PKP3: variants seen among roughly 807,000 people sequenced by gnomAD.
The protein encoded by PKP3 is plakophilin 3.
Under a neutral mutation model 76.5 loss-of-function variants are expected in PKP3, and 66 were observed. The ratio of observed to expected loss-of-function variants is 0.86; its 90% CI spans 0.71 to 1.06. The LOEUF (loss-of-function observed/expected upper bound fraction) is 1.06. Ranked by LOEUF, PKP3 falls within the 50% of genes least tolerant of loss-of-function variation. The probability of loss-of-function intolerance (pLI) is 0.00; values close to 1 mark genes in which losing one functional copy is unlikely to be tolerated. For synonymous variants in PKP3, 638 were observed against 516.5 expected (o/e 1.24, Z -3.19); for missense variants, 1,338 against 1,141.0 (o/e 1.17, Z -2.49).
chr11:404,725 A>C lies in PKP3; in HGVS notation c.*156A>C. 1.5e-6 allele frequency: 1 copy of C among 651,036 alleles called. No homozygotes were observed. Among genetic ancestry groups the C allele is most frequent in the Non-Finnish European group, 2.7e-6 (1 of 371,452 alleles). The allele number at this position is 651,036 out of a possible 1,614,324, so 40.3% of individuals were successfully genotyped here. On this transcript the variant is annotated 3_prime_UTR_variant, in exon 13 of 13. Coordinates refer to ENST00000331563, the MANE Select transcript of PKP3 (RefSeq NM_007183.4). The surrounding 1 kb of genome is among the most constrained non-coding windows in gnomAD (Gnocchi z 4.2). ...GCATCTTTGAGGGTCCTGGGCCACC[A>C]GGAGGGGCAGGGTCTTATAGCTGGG...
Position 396,999 on chromosome 11 carries a change from G to A in PKP3, c.498G>A (p.Glu166=), listed in dbSNP as rs1847056514. 1 of 1,599,724 alleles carries A rather than the reference G, an allele frequency of 6.3e-7. No homozygotes were observed. The highest frequency in any genetic ancestry group is 1.3e-5 in the African/African-American group (1 of 74,906). ...PMPTRPVSFH[E]RGGVGSRADY... ...CCACCAGGCCCGTGTCCTTCCATGA[G>A]CGCGGTGGGGTTGGGAGCCGGGCCG... The change falls in exon 3 of 13, where the codon GAG becomes GAA. Residue 166 remains glutamate (E), a synonymous_variant. Coordinates refer to ENST00000331563, the MANE Select transcript of PKP3 (RefSeq NM_007183.4).
chr11:395,447 T>C (rs1164564570), intron 1 of PKP3, among the ~76,000 whole-genome samples: 2 of 152,196 alleles, frequency 1.3e-5, no homozygotes, highest in Non-Finnish European at 2.9e-5. Context: ...TCCAGGGGCC[T>C]CAGCCTTGCT....
chr11:396,289 T>C (rs551362990), intron 1 of PKP3: 159 of 329,818 alleles, frequency 4.8e-4, no homozygotes, highest in Non-Finnish European at 7.9e-4. Context: ...ATGGCAAGGA[T>C]TGGAGAACTG....
chr11:404,309 C>T lies in PKP3; in HGVS notation c.2344C>T (p.Arg782Cys), dbSNP rs772217347. ...CCTGTGGCAGTACAACAAGCTCCAC[C>T]GTGACTTCCGGGCGGTACGTTTCCC... Reference protein sequence around the residue: ...ANLWQYNKLHRDFRAKGYRKE... With the variant: ...ANLWQYNKLHCDFRAKGYRKE... The change falls in exon 12 of 13, where the codon CGT becomes TGT. Residue 782 changes from arginine to cysteine, a missense_variant. By Grantham distance (180) the Arg-to-Cys change is radical. Transcript: ENST00000331563. This position sits in a 1 kb window ranked among gnomAD's most constrained non-coding sequence, Gnocchi z 4.2. The T allele has an allele frequency of 1.7e-5, 28 of 1,612,272 alleles. No homozygotes were observed. Among genetic ancestry groups the T allele is most frequent in the East Asian group, 2.2e-5 (1 of 44,888 alleles).
chr11:400,541 G>C lies in PKP3; in HGVS notation c.1573G>C (p.Glu525Gln). The change falls in exon 8 of 13, where the codon GAG becomes CAG. Residue 525 changes from glutamate to glutamine, a missense_variant. By Grantham distance (29) the Glu-to-Gln change is conservative (BLOSUM62 2). Coordinates refer to ENST00000331563, the MANE Select transcript of PKP3 (RefSeq NM_007183.4). The part of the protein sequence containing the change: ...DAGKCEDKSV[E>Q]NAVCVLRNLS... ...CCCGCGCCCCCGCCCGCAGAGCGTGGAGAACGCGGTGTGCGTCCTGCGGAA... is the reference window on the plus strand; with the variant it reads ...CCCGCGCCCCCGCCCGCAGAGCGTGCAGAACGCGGTGTGCGTCCTGCGGAA... 2.7e-6 allele frequency: 4 copies of C among 1,493,160 alleles called. No homozygotes were observed. Among genetic ancestry groups the C allele is most frequent in the South Asian group, 2.6e-5 (2 of 78,188 alleles). 92.5% of individuals were successfully genotyped at this position (1,493,160 alleles called of 1,614,324 possible).
At position 400,140 on chromosome 11, in the gene PKP3, AG is replaced by A; in HGVS notation, c.1448+1del. 6.5e-7 allele frequency: 1 copy of A among 1,549,270 alleles called. No homozygotes were observed. The highest frequency in any genetic ancestry group is 8.7e-7 in the Non-Finnish European group (1 of 1,151,102). The part of the protein sequence containing the change: ...EIFYNATGFL[R>X]NLSSASQATR... ...CTTCTACAACGCCACCGGCTTCCTCAGGTGCGCCAGCCTCGGGCAGCGGGGT... is the reference window on the plus strand; with the variant it reads ...CTTCTACAACGCCACCGGCTTCCTCAGTGCGCCAGCCTCGGGCAGCGGGGT... On this transcript the variant is annotated frameshift_variant and splice_region_variant, in exon 6 of 13. Transcript: ENST00000331563. LOFTEE classifies it high-confidence loss of function.
intron 6 of PKP3, 61 bp from the exon 7 acceptor site, chr11:400,273 G>A: frequency 1.4e-6 from 2 of 1,456,996 alleles, no homozygotes; most frequent in East Asian, 2.5e-5. Flanking sequence ...GCCCACGATG[G>A]GTTGGGGCAA....
chr11:399,172 G>A lies in PKP3; in HGVS notation c.1249G>A (p.Asp417Asn). ...ELLRTLREQD[D>N]ELRKNVTGIL... ...GCTGCGGACACTGCGGGAGCAGGATGATGAGCTTCGCAAAAATGTCACAGG... is the reference window on the plus strand; with the variant it reads ...GCTGCGGACACTGCGGGAGCAGGATAATGAGCTTCGCAAAAATGTCACAGG... The change falls in exon 5 of 13, where the codon GAT becomes AAT. Residue 417 changes from aspartate (D) to asparagine (N), a missense_variant. Coordinates refer to ENST00000331563, the MANE Select transcript of PKP3 (RefSeq NM_007183.4). 4 of 1,602,770 alleles carry A rather than the reference G, an allele frequency of 2.5e-6. No homozygotes were observed. The highest frequency in any genetic ancestry group is 3.4e-6 in the Non-Finnish European group (4 of 1,174,462).
upstream of PKP3, among the ~76,000 whole-genome samples, chr11:393,687 G>A (rs866312626): frequency 5.3e-5 from 8 of 152,186 alleles, no homozygotes; most frequent in South Asian, 1.7e-3. Flanking sequence ...CCTTTGTCCT[G>A]ATCCCTGGCA....
At position 400,432 on chromosome 11, in the gene PKP3, C is replaced by T. The variant is rs888397476; in HGVS notation, c.1547C>T (p.Ala516Val). ...ACCTCTATCAACCACGCCCTGGACG[C>T]GGGCAAATGCGAGGACAAGGTGAGG... is the stretch of plus-strand genomic sequence containing the variant. ...LVTSINHALD[A>V]GKCEDKSVEN... is the part of the protein sequence containing the mutation. The change falls in exon 7 of 13, where the codon GCG (alanine) becomes GTG (valine). Residue 516 changes from alanine to valine, a missense_variant. Coordinates refer to ENST00000331563, the MANE Select transcript of PKP3 (RefSeq NM_007183.4). 1.1e-5 allele frequency: 17 copies of T among 1,546,678 alleles called. No individual in the cohort carries two copies. Among genetic ancestry groups the T allele is most frequent in the Non-Finnish European group, 1.5e-5 (17 of 1,145,444 alleles).
chr11:394,659 C>T (rs910871250), intron 1 of PKP3, 135 bp downstream of exon 1: 17 of 664,482 alleles, frequency 2.6e-5, no homozygotes, highest in East Asian at 1.3e-4. Flanking sequence ...TCACACACCC[C>T]GCCCCAGGGG....
rs1373186970 is a variant in PKP3, at chr11:400,795, C to A, written c.1737+90C>A. 3 of 642,430 alleles carry A rather than the reference C, an allele frequency of 4.7e-6. No individual in the cohort carries two copies. In the Admixed American group the frequency reaches 1.8e-4, roughly 38 times the overall value. The allele number at this position is 642,430 out of a possible 1,614,324, so 39.8% of individuals were successfully genotyped here. ...CCGCTCACCCCCGCCCCGCTCACCC[C>A]CGCCCCGCTCACCCCGCCCCGCTCA... is the stretch of plus-strand genomic sequence containing the variant. On this transcript the variant is annotated intron_variant, in intron 8 of 12. Coordinates refer to ENST00000331563, the MANE Select transcript of PKP3 (RefSeq NM_007183.4).
intron 4 of PKP3, 142 bp from the exon 5 acceptor site, chr11:398,850 G>GCCGCACACACCTGCGTCACCTCCCTACCC: frequency 3.3e-6 from 1 of 300,732 alleles, no homozygotes; most frequent in Non-Finnish European, 5.3e-6. Flanking sequence ...CCTCCCTACC[G>GCCGCACACACCTGCGTCACCTCCCTACCC]CCGCACACAC....
intron 1 of PKP3, among the ~76,000 whole-genome samples, chr11:395,595 G>A (rs1237581155): frequency 6.6e-6 from 1 of 152,176 alleles, no homozygotes; most frequent in African/African-American, 2.4e-5. Flanking sequence ...AGGCTGGGGC[G>A]TGCCCCCACT....
rs1324549068 is a variant in PKP3 at position 403,089 on chromosome 11, C to T, written c.1749C>T (p.Ala583=). 2 of 1,516,244 alleles carry T rather than the reference C, an allele frequency of 1.3e-6. No individual in the cohort carries two copies. The highest frequency in any genetic ancestry group is 2.4e-5 in the South Asian group (2 of 82,480). 93.9% of individuals were successfully genotyped at this position (1,516,244 alleles called of 1,614,324 possible). Residue 583 remains alanine, a synonymous_variant, in exon 9 of 13, where the codon GCC becomes GCT. Transcript: ENST00000331563. ...CCCGCCCTGCGCAGCTGCCCCTCGC[C>T]GCCGATGCGCTCACCTTCGCGGAGG... ...QSRRLRELPL[A]ADALTFAEVS... is the part of the protein sequence containing the mutation.
At chr11:394,061 G>A (rs1359673074), upstream of PKP3, 2 of 550,180 alleles carry the variant, frequency 3.6e-6, no homozygotes, top group Non-Finnish European at 6.0e-6. Context: ...GCCATGCAGG[G>A]CCTGTTCTTC....
chr11:392,614 G>A (rs552317881), upstream of PKP3: 347 of 1,279,770 alleles, frequency 2.7e-4, no homozygotes, highest in East Asian at 3.2e-3. Context: ...TGCCCCGCAC[G>A]CGCCGGGCCA....
At chr11:396,531 T>C in intron 1 of PKP3, 77 bp from the exon 2 acceptor site, 1 of 1,029,434 alleles carries the variant, frequency 9.7e-7, no homozygotes, top group Non-Finnish European at 1.4e-6. Context: ...CCAATAGCGA[T>C]GGAGTGGTGG....
At chr11:400,279 G>C (rs1847129386) in intron 6 of PKP3, 55 bp from the exon 7 acceptor site, 1 of 1,475,794 alleles carries the variant, frequency 6.8e-7, no homozygotes, top group East Asian at 2.5e-5. Flanking sequence ...GATGGGTTGG[G>C]GCAAGGCCCG....
Sources: allele counts gnomAD v4.1 joint callset (sites outside exome capture counted in the v4.1 genomes callset), GRCh38; gene constraint gnomAD v4.1.1; non-coding constraint Gnocchi (gnomAD v3.1); transcripts MANE v1.5; gene names NCBI Gene and HGNC (gene_info 2026-07-23, HGNC 2026-07-21).